Variants in NCOA1 observed in about 807,000 individuals in gnomAD.
The protein encoded by NCOA1 is nuclear receptor coactivator 1.
In NCOA1, 35 loss-of-function variants were observed where a neutral mutation model predicts 150.9. That is an observed-to-expected ratio of 0.23 (90% CI 0.18 to 0.31). The LOEUF is 0.31. Ranked by LOEUF, NCOA1 falls within the 10% of genes least tolerant of loss-of-function variation. NCOA1 has a pLI of 1.00. For synonymous variants in NCOA1, 590 were observed against 630.0 expected (o/e 0.94, Z 0.95); for missense variants, 1,491 against 1,749.3 (o/e 0.85, Z 2.63).
In NCOA1 at chr2:24,711,063, C is replaced by G; in HGVS notation, c.2551C>G (p.Pro851Ala). 6.2e-7 allele frequency: 1 copy of G among 1,614,108 alleles called. No individual in the cohort carries two copies. Among genetic ancestry groups the G allele is most frequent in the Non-Finnish European group, 8.5e-7 (1 of 1,179,988 alleles). ...TGTAACCATCAAATCGGAGATCCTGCCAGCTTCACTTCAGTCCGCCACTGC... is the reference window on the plus strand; with the variant it reads ...TGTAACCATCAAATCGGAGATCCTGGCAGCTTCACTTCAGTCCGCCACTGC... Reference protein sequence around the residue: ...TSVTIKSEILPASLQSATARP... With the variant: ...TSVTIKSEILAASLQSATARP... The change falls in exon 14 of 23, where the codon CCA becomes GCA. Residue 851 changes from proline to alanine, a missense_variant. Around this residue, in one of 8 missense-constraint regions of NCOA1, gnomAD observed 703 missense variants for 717.7 expected, o/e 0.98. Transcript: ENST00000348332.
chr2:24,690,650 T>TTAAAAAAAAAAAAAAAAAAAAAAA (rs1558289893), intron 8 of NCOA1, among the ~76,000 whole-genome samples: 1 of 5,672 alleles, frequency 1.8e-4, no homozygotes, highest in Non-Finnish European at 5.6e-4. Context: ...AGATTCCATC[T>TTAAAAAAAAAAAAAAAAAAAAAAA]CAAAAAAAAA....
chr2:24,722,351 G>A (rs760866498), intron 14 of NCOA1, among the ~76,000 whole-genome samples: 1 of 152,192 alleles, frequency 6.6e-6, no homozygotes, highest in East Asian at 1.9e-4. Context: ...AATGTGTACA[G>A]CATGCCTGTT....
intron 1 of NCOA1, among the ~76,000 whole-genome samples, chr2:24,551,205 T>C (rs1304624706): frequency 6.6e-6 from 1 of 152,126 alleles, no homozygotes; most frequent in Admixed American, 6.5e-5. Flanking sequence ...TCAGATAGCA[T>C]AAAGACCAGT....
chr2:24,749,442 G>C (rs1664108950), intron 19 of NCOA1, among the ~76,000 whole-genome samples: 1 of 152,220 alleles, frequency 6.6e-6, no homozygotes, highest in Non-Finnish European at 1.5e-5. Flanking sequence ...GTGTTTGTGT[G>C]TACAAATCAA....
chr2:24,658,177 C>G (rs1301385695), intron 4 of NCOA1, among the ~76,000 whole-genome samples: 4 of 152,164 alleles, frequency 2.6e-5, no homozygotes, highest in Non-Finnish European at 5.9e-5. Context: ...ATCACTTTAA[C>G]TTAATTATGT....
rs869113477 is a variant in NCOA1, at chr2:24,614,199, CTTTTTTTTTTTTTTTTTTTTTTTTT to C, written c.-175+29647_-175+29671del. ...CCTATTGTATCGATTCATTTCCATT[CTTTTTTTTTTTTTTTTTTTTTTTTT>C]TTTTTTTGCTATGGGGTTTCATTCT... On this transcript the variant is annotated intron_variant, in intron 3 of 22. Coordinates refer to ENST00000348332, the MANE Select transcript of NCOA1 (RefSeq NM_003743.5). Among the ~76,000 whole-genome samples the C allele has an allele frequency of 3.3e-4, 3 of 9,158 alleles. 1 individual carries two copies. The highest frequency in any genetic ancestry group is 3.7e-3 in the Admixed American group (2 of 544). The allele number at this position is 9,158 out of a possible 152,430, so 6.0% of individuals were successfully genotyped here.
intron 8 of NCOA1, among the ~76,000 whole-genome samples, chr2:24,686,935 A>G (rs1572592491): frequency 6.6e-6 from 1 of 152,014 alleles, no homozygotes; most frequent in East Asian, 1.9e-4. Flanking sequence ...ATTATTTTTC[A>G]ACTTTTTTTT....
At chr2:24,499,001 T>G (rs548611914) in intron 1 of NCOA1, among the ~76,000 whole-genome samples, 269 of 152,314 alleles carry the variant, frequency 1.8e-3, no homozygotes, top group Non-Finnish European at 3.2e-3. Context: ...GCCTTATACT[T>G]TTTTCGAATT....
intron 1 of NCOA1, among the ~76,000 whole-genome samples, chr2:24,507,435 G>GTTTTTTTTTTTT (rs10651704): frequency 2.4e-5 from 3 of 126,526 alleles, no homozygotes; most frequent in African/African-American, 3.0e-5. Flanking sequence ...GAGCTGCTGG[G>GTTTTTTTTTTTT]TTTTTTTTTT....
At chr2:24,720,775 C>A (rs1304804829) in intron 14 of NCOA1, among the ~76,000 whole-genome samples, 3 of 152,172 alleles carry the variant, frequency 2.0e-5, no homozygotes, top group African/African-American at 7.2e-5. Context: ...AAAAGAATCA[C>A]TTCTAATTCT....
chr2:24,557,671 A>G (rs1050204826), intron 1 of NCOA1, among the ~76,000 whole-genome samples: 5 of 152,102 alleles, frequency 3.3e-5, no homozygotes, highest in Admixed American at 6.6e-5. Flanking sequence ...TATTAGTTCA[A>G]AAAAAGCCCT....
At chr2:24,510,888 G>C (rs770575123) in intron 1 of NCOA1, among the ~76,000 whole-genome samples, 2 of 152,084 alleles carry the variant, frequency 1.3e-5, no homozygotes, top group Non-Finnish European at 2.9e-5. Context: ...CTGTTAAAGT[G>C]TACAATTTGG....
chr2:24,729,530 A>G lies in NCOA1; in HGVS notation c.2916A>G (p.Arg972=). 1.2e-6 allele frequency: 2 copies of G among 1,614,064 alleles called. No individual in the cohort carries two copies. The highest frequency in any genetic ancestry group is 1.1e-5 in the South Asian group (1 of 91,082). ...QGGGLDVLSE[R]FPPQQATPPL... is the part of the protein sequence containing the mutation. ...GTGGATTAGATGTATTATCAGAGAG[A>G]TTTCCACCACAACAAGCAACGCCAC... is the stretch of plus-strand genomic sequence containing the variant. Residue 972 remains arginine, a synonymous_variant, in exon 17 of 23, where the codon AGA becomes AGG. Coordinates refer to ENST00000348332, the MANE Select transcript of NCOA1 (RefSeq NM_003743.5).
chr2:24,746,355 C>T (rs781621817), intron 19 of NCOA1, among the ~76,000 whole-genome samples: 1 of 151,994 alleles, frequency 6.6e-6, no homozygotes, highest in Non-Finnish European at 1.5e-5. Context: ...CCAGCCTGGC[C>T]GACATGGCGA....
At chr2:24,673,549 G>T in intron 7 of NCOA1, 86 bp downstream of exon 7, 1 of 742,478 alleles carries the variant, frequency 1.3e-6, no homozygotes, top group Non-Finnish European at 2.2e-6. Flanking sequence ...CTTATATCCA[G>T]TTAATAAATT....
intron 1 of NCOA1, among the ~76,000 whole-genome samples, chr2:24,545,396 A>G (rs1459541810): frequency 6.6e-6 from 1 of 152,248 alleles, no homozygotes; most frequent in African/African-American, 2.4e-5. Flanking sequence ...TTATTGGATT[A>G]TGACCCAAAG....
chr2:24,752,138 G>T lies in NCOA1; in HGVS notation c.3863G>T (p.Gly1288Val). Residue 1288 changes from glycine (G) to valine (V), a missense_variant, in exon 20 of 23, where the codon GGA (glycine) becomes GTA (valine). Transcript: ENST00000348332. ...QSPDMKAWQQ[G>V]AIGNNNVFSQ... ...CCAGACATGAAGGCCTGGCAGCAAG[G>T]AGCGATAGGAAACAACAAGTAAGGG... 1 of 1,613,912 alleles carries T rather than the reference G, an allele frequency of 6.2e-7. No individual in the cohort carries two copies. The highest frequency in any genetic ancestry group is 1.1e-5 in the South Asian group (1 of 91,060).
At chr2:24,723,098 T>C (rs772408203) in intron 14 of NCOA1, among the ~76,000 whole-genome samples, 1 of 152,080 alleles carries the variant, frequency 6.6e-6, no homozygotes, top group Non-Finnish European at 1.5e-5. Context: ...TTCAAAAAAG[T>C]TTTTAAAATA....
intron 1 of NCOA1, among the ~76,000 whole-genome samples, chr2:24,533,632 G>A (rs569758874): frequency 1.1e-4 from 17 of 152,246 alleles, no homozygotes; most frequent in South Asian, 4.1e-4. Context: ...TCAATACCTA[G>A]TTTATTGAGA....
Sources: gnomAD v4.1 joint callset for allele counts (sites outside exome capture counted in the v4.1 genomes callset) on GRCh38, gnomAD v4.1.1 for gene constraint, gnomAD v4.1.1 regional missense constraint, MANE v1.5 for transcripts, NCBI Gene and HGNC (gene_info 2026-07-23, HGNC 2026-07-21) for gene names.